The following MRPS28 variants were observed in gnomAD, a reference collection of about 807,000 sequenced individuals.
MRPS28 encodes the protein mitochondrial ribosomal protein S28, also known as small ribosomal subunit protein bS1m.
A neutral mutation model predicts 10.8 loss-of-function variants in MRPS28; 7 were observed. That is an observed-to-expected ratio of 0.65 (90% confidence interval 0.37 to 1.22). The LOEUF (loss-of-function observed/expected upper bound fraction) is 1.22. Among genes scored for constraint, MRPS28 ranks in the 50% most tolerant of loss-of-function variants. The pLI is 0.02. For synonymous variants in MRPS28, 121 were observed against 93.3 expected (o/e 1.30, Z -1.71); for missense variants, 265 against 232.9 (o/e 1.14, Z -0.90).
intron 2 of MRPS28, among the ~76,000 whole-genome samples, chr8:79,940,228 A>G (rs1234545734): frequency 1.3e-5 from 2 of 152,206 alleles, no homozygotes; most frequent in Non-Finnish European, 2.9e-5. Flanking sequence ...CTGCTTTCAG[A>G]ACTCCATATT....
intron 2 of MRPS28, among the ~76,000 whole-genome samples, chr8:79,990,076 G>A (rs1808315221): frequency 6.6e-6 from 1 of 152,154 alleles, no homozygotes; most frequent in Admixed American, 6.5e-5. Context: ...CACAAGAATC[G>A]CTTGAGCCCA....
At chr8:79,973,961 A>C (rs997981167) in intron 2 of MRPS28, among the ~76,000 whole-genome samples, 1 of 152,134 alleles carries the variant, frequency 6.6e-6, no homozygotes, top group South Asian at 2.1e-4. Flanking sequence ...TATGTTGCCC[A>C]GGCTGATCTC....
At chr8:79,990,656 G>A (rs540129089) in intron 2 of MRPS28, among the ~76,000 whole-genome samples, 73 of 151,968 alleles carry the variant, frequency 4.8e-4, no homozygotes, top group African/African-American at 1.7e-3. Flanking sequence ...GAATAGAATA[G>A]AGGAGCAAAG....
chr8:79,930,810 A>G (rs1806442418), intron 2 of MRPS28, among the ~76,000 whole-genome samples: 1 of 152,220 alleles, frequency 6.6e-6, no homozygotes, highest in Non-Finnish European at 1.5e-5. Context: ...AAATGCTAAT[A>G]TCTTATTCTA....
intron 2 of MRPS28, among the ~76,000 whole-genome samples, chr8:79,986,794 G>T (rs1220539511): frequency 6.6e-6 from 1 of 151,970 alleles, no homozygotes; most frequent in African/African-American, 2.4e-5. Context: ...ACAAATGGAA[G>T]AACATTCCAT....
chr8:79,988,208 T>A (rs1808249596), intron 2 of MRPS28, among the ~76,000 whole-genome samples: 1 of 134,304 alleles, frequency 7.4e-6, no homozygotes, highest in South Asian at 2.3e-4. Context: ...CACTCATAGG[T>A]GGGAATTGAA....
chr8:79,930,361 T>G (rs1482696166), intron 2 of MRPS28, among the ~76,000 whole-genome samples: 1 of 152,254 alleles, frequency 6.6e-6, no homozygotes, highest in African/African-American at 2.4e-5. Context: ...TCTCTGTCAG[T>G]GTTGTACTTT....
chr8:79,952,020 C>T (rs1807091397), intron 2 of MRPS28, among the ~76,000 whole-genome samples: 1 of 152,192 alleles, frequency 6.6e-6, no homozygotes, highest in South Asian at 2.1e-4. Flanking sequence ...AAAGCATCTT[C>T]ATTACACATG....
intron 2 of MRPS28, among the ~76,000 whole-genome samples, chr8:79,998,497 T>C (rs574439497): frequency 6.6e-6 from 1 of 152,220 alleles, no homozygotes; most frequent in Non-Finnish European, 1.5e-5. Flanking sequence ...TAGCTTAGAT[T>C]CTGAATGCTA....
At chr8:79,920,419 T>G (rs1379989061) in intron 2 of MRPS28, among the ~76,000 whole-genome samples, 4 of 152,290 alleles carry the variant, frequency 2.6e-5, no homozygotes, top group African/African-American at 7.2e-5. Context: ...AGTGTAAAAG[T>G]GTTCCTATTT....
rs566763985 is a variant in MRPS28 at position 79,976,362 on chromosome 8, C to T, written c.395+26637G>A. Among the ~76,000 whole-genome samples, 27 of 152,246 alleles carry T rather than the reference C, an allele frequency of 1.8e-4. 1 individual carries two copies. The South Asian group carries it at 5.2e-3, about 29-fold the overall frequency. Reference sequence around the variant, plus strand: ...CCTCCCAAAGTGCTGGGATTACAGGCGTGAGCCACCGCACCCGGCCTTGTT... The same window carrying T: ...CCTCCCAAAGTGCTGGGATTACAGGTGTGAGCCACCGCACCCGGCCTTGTT... On this transcript the variant is annotated intron_variant, in intron 2 of 2. Coordinates refer to ENST00000276585, the MANE Select transcript of MRPS28 (RefSeq NM_014018.3).
At chr8:79,993,239 T>C (rs1246804711) in intron 2 of MRPS28, among the ~76,000 whole-genome samples, 3 of 152,224 alleles carry the variant, frequency 2.0e-5, no homozygotes, top group African/African-American at 7.2e-5. Context: ...ACTTAATTGC[T>C]TGCATTCCTT....
intron 2 of MRPS28, among the ~76,000 whole-genome samples, chr8:79,977,631 A>C (rs1807838459): frequency 6.6e-6 from 1 of 152,170 alleles, no homozygotes; most frequent in African/African-American, 2.4e-5. Context: ...TGCCTGGCCA[A>C]CATGGCGAAA....
intron 2 of MRPS28, among the ~76,000 whole-genome samples, chr8:79,991,581 A>C (rs1259275404): frequency 2.0e-5 from 3 of 152,250 alleles, no homozygotes; most frequent in Non-Finnish European, 4.4e-5. Context: ...AGTAGTGTCT[A>C]ATAATATATT....
At position 79,919,062 on chromosome 8, in the gene MRPS28, GTTGTA is replaced by G. The variant is rs752023861; in HGVS notation, c.477_481del (p.Thr160CysfsTer5). 6.2e-7 allele frequency: 1 copy of G among 1,611,250 alleles called. No homozygotes were observed. Among genetic ancestry groups the G allele is most frequent in the East Asian group, 2.2e-5 (1 of 44,790 alleles). ...GAGAACTGCATTAGCCTCTAGTACAGTTGTATCTGTTGTTGCTCCCAGGAACCTAG... is the reference window on the plus strand; with the variant it reads ...GAGAACTGCATTAGCCTCTAGTACAGTCTGTTGTTGCTCCCAGGAACCTAG... On this transcript the variant is annotated frameshift_variant, in exon 3 of 3. Coordinates refer to ENST00000276585, the MANE Select transcript of MRPS28 (RefSeq NM_014018.3). LOFTEE classifies it high-confidence loss of function.
intron 2 of MRPS28, among the ~76,000 whole-genome samples, chr8:79,924,122 T>A (rs576795169): frequency 6.6e-6 from 1 of 152,338 alleles, no homozygotes; most frequent in South Asian, 2.1e-4. Flanking sequence ...GAATTCTGAC[T>A]TTGCTAGTCA....
At chr8:79,946,909 G>A (rs532567694) in intron 2 of MRPS28, among the ~76,000 whole-genome samples, 6 of 152,180 alleles carry the variant, frequency 3.9e-5, no homozygotes, top group Non-Finnish European at 2.9e-5. Flanking sequence ...CAGTAACTTC[G>A]TAGTCTTATA....
chr8:79,931,830 ATGT>A (rs755244163), intron 2 of MRPS28, among the ~76,000 whole-genome samples: 4 of 152,232 alleles, frequency 2.6e-5, no homozygotes, highest in Non-Finnish European at 5.9e-5. Context: ...ATTTTCAAAG[ATGT>A]TGTGTTCAAT....
chr8:79,979,505 T>C (rs1586073080), intron 2 of MRPS28, among the ~76,000 whole-genome samples: 2 of 152,246 alleles, frequency 1.3e-5, no homozygotes, highest in South Asian at 4.2e-4. Flanking sequence ...AAAATAAATT[T>C]TAAAAGAAAT....
Sources: gnomAD v4.1 joint callset for allele counts (sites outside exome capture counted in the v4.1 genomes callset) on GRCh38, gnomAD v4.1.1 for gene constraint, MANE v1.5 for transcripts, NCBI Gene and HGNC (gene_info 2026-07-23, HGNC 2026-07-21) for gene names.